Variants in SDK1 observed in about 807,000 individuals in gnomAD.
The protein encoded by SDK1 is protein sidekick-1.
Under a neutral mutation model 245.5 loss-of-function variants are expected in SDK1, and 157 were observed. The ratio of observed to expected loss-of-function variants is 0.64; its 90% confidence interval spans 0.56 to 0.73. The LOEUF is 0.73. Among genes scored for constraint, SDK1 ranks in the 30% least tolerant of loss-of-function variants. The pLI, the probability that SDK1 is intolerant of heterozygous loss-of-function variation, is 0.00. For missense variants in SDK1, 3,583 were observed against 3,002.3 expected (o/e 1.19, Z -4.52); for synonymous variants, 1,647 against 1,278.5 (o/e 1.29, Z -6.15).
intron 4 of SDK1, among the ~76,000 whole-genome samples, chr7:3,664,096 A>T (rs1215244579): frequency 6.6e-6 from 1 of 151,668 alleles, no homozygotes; most frequent in African/African-American, 2.4e-5. Context: ...GTTGAAACAC[A>T]CCTGTTGGAA....
chr7:3,388,387 A>AT (rs1418123742), intron 1 of SDK1, among the ~76,000 whole-genome samples: 3 of 150,878 alleles, frequency 2.0e-5, no homozygotes, highest in Admixed American at 6.6e-5. Flanking sequence ...GTGATTGAAG[A>AT]TTAAAAAAAA....
At chr7:4,011,391 C>T (rs765203215) in intron 15 of SDK1, among the ~76,000 whole-genome samples, 6 of 152,254 alleles carry the variant, frequency 3.9e-5, no homozygotes, top group Non-Finnish European at 7.3e-5. Flanking sequence ...CAGCACAGCC[C>T]TCTGTGTACA....
chr7:3,533,801 C>G (rs1778780955), intron 1 of SDK1, among the ~76,000 whole-genome samples: 1 of 151,808 alleles, frequency 6.6e-6, no homozygotes, highest in Non-Finnish European at 1.5e-5. Context: ...TTCCTTGTTT[C>G]ACGATAATTT....
At chr7:4,072,631 G>A (rs56061249) in intron 20 of SDK1, among the ~76,000 whole-genome samples, 8,963 of 152,306 alleles carry the variant, frequency 0.059, 347 homozygotes, top group Middle Eastern at 0.085. Context: ...AACTGTGTTC[G>A]TGGGCAAACC....
At chr7:3,346,825 ATATTTTT>A (rs1345560864) in intron 1 of SDK1, among the ~76,000 whole-genome samples, 26 of 27,598 alleles carry the variant, frequency 9.4e-4, no homozygotes, top group African/African-American at 4.3e-3. Flanking sequence ...ATATATATAT[ATATTTTT>A]TTTTTTTTTT....
intron 5 of SDK1, among the ~76,000 whole-genome samples, chr7:3,892,634 A>G (rs1781488829): frequency 6.6e-6 from 1 of 152,222 alleles, no homozygotes; most frequent in South Asian, 2.1e-4. Context: ...CCCAGGAGAG[A>G]GTCACCATGC....
intron 4 of SDK1, among the ~76,000 whole-genome samples, chr7:3,745,597 C>G (rs1014495544): frequency 2.6e-5 from 4 of 152,074 alleles, no homozygotes; most frequent in Non-Finnish European, 4.4e-5. Flanking sequence ...CGCATAGATT[C>G]ATTTAATCGC....
intron 26 of SDK1, chr7:4,129,694 C>G: frequency 1.4e-6 from 2 of 1,397,854 alleles, no homozygotes; most frequent in Non-Finnish European, 1.9e-6. Context: ...TGGGCACTAA[C>G]TCAAGCTCCC....
chr7:3,565,572 A>G (rs1779884830), intron 1 of SDK1, among the ~76,000 whole-genome samples: 1 of 152,234 alleles, frequency 6.6e-6, no homozygotes, highest in Admixed American at 6.5e-5. Flanking sequence ...AAAGAGTACA[A>G]TGACATTACT....
chr7:3,811,256 G>A (rs550808322), intron 4 of SDK1, among the ~76,000 whole-genome samples: 1 of 152,208 alleles, frequency 6.6e-6, no homozygotes, highest in African/African-American at 2.4e-5. Flanking sequence ...GAGTAAAATC[G>A]GGGCCAGATC....
rs141784052 is a variant in SDK1, at chr7:3,762,413, C to T, written c.714-59037C>T. On this transcript the variant is annotated intron_variant, in intron 4 of 44. Coordinates refer to ENST00000404826, the MANE Select transcript of SDK1 (RefSeq NM_152744.4). ...TCCTGCACGACCCTCTAGATGTTTA[C>T]GTAGGTAAAAGCAAAAAACAACAAC... 2.6e-3 allele frequency among the ~76,000 whole-genome samples: 402 copies of T among 152,302 alleles called. 1 individual carries two copies. Among genetic ancestry groups the T allele is most frequent in the African/African-American group, 9.3e-3 (385 of 41,566 alleles).
At position 3,799,704 on chromosome 7, in the gene SDK1, CAAAA is replaced by C. The variant is rs34448201; in HGVS notation, c.714-21730_714-21727del. Among the ~76,000 whole-genome samples, 8 of 109,074 alleles carry C rather than the reference CAAAA, an allele frequency of 7.3e-5. No homozygotes were observed. In the East Asian group the frequency reaches 1.3e-3, roughly 18 times the overall value. 71.6% of individuals were successfully genotyped at this position (109,074 alleles called of 152,430 possible). A position where few individuals can be genotyped will look rare whatever the true frequency, so the allele number is the denominator to read the frequency against. On this transcript the variant is annotated intron_variant, in intron 4 of 44. Coordinates refer to ENST00000404826, the MANE Select transcript of SDK1 (RefSeq NM_152744.4). ...TGGGCGACAGAGTGAGACTCCATCTCAAAAAAAAAAAAAAAAAAATGACCTCGTT... is the reference window on the plus strand; with the variant it reads ...TGGGCGACAGAGTGAGACTCCATCTCAAAAAAAAAAAAAAATGACCTCGTT...
At chr7:3,430,197 G>A (rs373672270) in intron 1 of SDK1, among the ~76,000 whole-genome samples, 2 of 152,152 alleles carry the variant, frequency 1.3e-5, no homozygotes, top group Non-Finnish European at 2.9e-5. Context: ...CCGTTTCAGC[G>A]AGTCACTTCT....
chr7:4,053,902 G>GT (rs762966088), intron 19 of SDK1, among the ~76,000 whole-genome samples: 53 of 151,986 alleles, frequency 3.5e-4, no homozygotes, highest in Non-Finnish European at 5.7e-4. Context: ...TGTTTTTTGG[G>GT]TTTTTTGTTG....
intron 28 of SDK1, among the ~76,000 whole-genome samples, chr7:4,144,821 C>G (rs548190749): frequency 6.6e-6 from 1 of 152,176 alleles, no homozygotes; most frequent in Non-Finnish European, 1.5e-5. Flanking sequence ...CTGTTCCCCC[C>G]GTGCGTCCTC....
intron 1 of SDK1, among the ~76,000 whole-genome samples, chr7:3,327,267 G>T (rs1471255635): frequency 6.6e-6 from 1 of 152,136 alleles, no homozygotes; most frequent in African/African-American, 2.4e-5. Flanking sequence ...ACAGAAATTT[G>T]AGGGAAGAGG....
chr7:4,258,777 G>A (rs1787782894), intron 44 of SDK1, among the ~76,000 whole-genome samples: 7 of 152,132 alleles, frequency 4.6e-5, no homozygotes, highest in Admixed American at 3.3e-4. Context: ...CCCGGGACCT[G>A]GGAATATAGT....
intron 29 of SDK1, among the ~76,000 whole-genome samples, chr7:4,146,213 T>G (rs1779966434): frequency 1.3e-5 from 2 of 151,496 alleles, no homozygotes; most frequent in South Asian, 4.2e-4. Context: ...CATTCACACC[T>G]TCTGCCTCAC....
chr7:3,487,966 G>A (rs977062048), intron 1 of SDK1, among the ~76,000 whole-genome samples: 7 of 151,980 alleles, frequency 4.6e-5, no homozygotes, highest in African/African-American at 1.7e-4. Context: ...TGTGTCTGTG[G>A]TATTGTTGCT....
Sources: allele counts gnomAD v4.1 joint callset (sites outside exome capture counted in the v4.1 genomes callset), GRCh38; gene constraint gnomAD v4.1.1; transcripts MANE v1.5; gene names NCBI Gene and HGNC (gene_info 2026-07-23, HGNC 2026-07-21).